Variants in EPS15 observed in about 807,000 individuals in gnomAD.
EPS15 encodes the protein epidermal growth factor receptor substrate 15.
Under a neutral mutation model 113.8 loss-of-function variants are expected in EPS15, and 72 were observed. The ratio of observed to expected loss-of-function variants is 0.63; its 90% CI spans 0.52 to 0.77. EPS15 has a LOEUF of 0.77. Among genes scored for constraint, EPS15 ranks in the 30% least tolerant of loss-of-function variants. EPS15 has a pLI of 0.00. For missense variants in EPS15, 1,048 were observed against 1,045.8 expected (o/e 1.00, Z -0.03); for synonymous variants, 344 against 363.4 (o/e 0.95, Z 0.61).
At chr1:51,508,347 A>AGAAAG (rs1553139595) in intron 1 of EPS15, among the ~76,000 whole-genome samples, 27 of 131,698 alleles carry the variant, frequency 2.1e-4, no homozygotes, top group African/African-American at 7.9e-4. Flanking sequence ...AGAGAAAGAA[A>AGAAAG]GAAAGAAAGA....
chr1:51,484,374 C>A (rs941674454), intron 1 of EPS15, among the ~76,000 whole-genome samples: 1 of 152,022 alleles, frequency 6.6e-6, no homozygotes, highest in Admixed American at 6.6e-5. Flanking sequence ...CCAATCTAGG[C>A]AACACAGCGA....
At chr1:51,505,582 C>A (rs1047575569) in intron 1 of EPS15, among the ~76,000 whole-genome samples, 6 of 152,028 alleles carry the variant, frequency 3.9e-5, no homozygotes, top group African/African-American at 1.4e-4. Flanking sequence ...TAAAATTGTT[C>A]TAAAATTGAT....
intron 1 of EPS15, chr1:51,490,426 G>T (rs550128819): frequency 1.7e-5 from 5 of 300,988 alleles, no homozygotes; most frequent in Non-Finnish European, 2.7e-5. Context: ...TTAGCTGGGC[G>T]TGGTGGCGGG....
chr1:51,382,790 G>A (rs531043252), intron 21 of EPS15, among the ~76,000 whole-genome samples: 485 of 152,152 alleles, frequency 3.2e-3, no homozygotes, highest in African/African-American at 4.6e-3. Context: ...ATGACTTCAC[G>A]GGTGAATTCT....
chr1:51,396,296 A>G (rs1188558177), intron 20 of EPS15, among the ~76,000 whole-genome samples: 2 of 152,228 alleles, frequency 1.3e-5, no homozygotes, highest in African/African-American at 4.8e-5. Flanking sequence ...GTCACCAAGT[A>G]CAGGCTGAGC....
intron 21 of EPS15, among the ~76,000 whole-genome samples, chr1:51,383,803 T>C (rs1240932946): frequency 1.3e-5 from 2 of 152,138 alleles, no homozygotes; most frequent in Non-Finnish European, 2.9e-5. Flanking sequence ...AGAAATAAAA[T>C]CTGTTTGCAA....
chr1:51,471,565 G>T, intron 4 of EPS15, 125 bp downstream of exon 4: 1 of 719,888 alleles, frequency 1.4e-6, no homozygotes, highest in African/African-American at 1.8e-5. Flanking sequence ...TTACACACTT[G>T]CCCTAGGCAA....
intron 23 of EPS15, among the ~76,000 whole-genome samples, chr1:51,361,812 A>T (rs1646393601): frequency 1.3e-5 from 2 of 152,230 alleles, no homozygotes; most frequent in Non-Finnish European, 2.9e-5. Flanking sequence ...AAACTGGGAA[A>T]ATTCTTCTGA....
intron 1 of EPS15, among the ~76,000 whole-genome samples, chr1:51,497,496 C>T (rs1644344269): frequency 6.6e-6 from 1 of 152,142 alleles, no homozygotes; most frequent in African/African-American, 2.4e-5. Context: ...CTATGATGCA[C>T]ATTTTATTTA....
intron 12 of EPS15, chr1:51,422,133 C>G: frequency 1.2e-6 from 1 of 858,804 alleles, no homozygotes. Flanking sequence ...ATGAAACACT[C>G]AGGTTTCACT....
rs1028525633 is a variant in EPS15, at chr1:51,356,778, A to C, written c.2613T>G (p.Leu871=). Residue 871 remains leucine, a synonymous_variant, in exon 25 of 25, where the codon CTT becomes CTG. Transcript: ENST00000371733. ...RESEREEEQR[L]ARLNQQEQED... is the part of the protein sequence containing the mutation. ...CTTGTTCCTGCTGATTTAGTCGGGCAAGCCTCTGCTCTTCCTCTCTCTCAC... is the reference window on the plus strand; with the variant it reads ...CTTGTTCCTGCTGATTTAGTCGGGCCAGCCTCTGCTCTTCCTCTCTCTCAC... The C allele has an allele frequency of 6.8e-6, 11 of 1,613,832 alleles. No individual in the cohort carries two copies. The highest frequency in any genetic ancestry group is 3.3e-5 in the Admixed American group (2 of 60,002).
chr1:51,468,424 G>A, intron 5 of EPS15, 49 bp downstream of exon 5: 1 of 1,244,070 alleles, frequency 8.0e-7, no homozygotes, highest in Non-Finnish European at 1.2e-6. Flanking sequence ...ATAACGTGGT[G>A]TCACTTTTTA....
intron 9 of EPS15, among the ~76,000 whole-genome samples, chr1:51,447,561 A>G (rs76862031): frequency 2.9e-5 from 4 of 140,100 alleles, no homozygotes; most frequent in Non-Finnish European, 6.6e-5. Context: ...CTGGGGGCAG[A>G]AAAAAAAAAG....
intron 21 of EPS15, among the ~76,000 whole-genome samples, chr1:51,384,361 CA>C: frequency 7.4e-6 from 1 of 135,770 alleles, no homozygotes; most frequent in South Asian, 2.4e-4. Flanking sequence ...AGTGCAGTGG[CA>C]TGATCTTGGC....
At chr1:51,519,011 G>T (rs1347348565) in intron 1 of EPS15, among the ~76,000 whole-genome samples, 188 bp downstream of exon 1, 1 of 151,252 alleles carries the variant, frequency 6.6e-6, no homozygotes, top group South Asian at 2.1e-4. Flanking sequence ...GGCGGCCGCA[G>T]GGGGGCTCCG....
chr1:51,360,200 T>C (rs896459021), intron 24 of EPS15, among the ~76,000 whole-genome samples: 1 of 152,164 alleles, frequency 6.6e-6, no homozygotes, highest in African/African-American at 2.4e-5. Flanking sequence ...CAGAGTTACC[T>C]GGCCACTAGA....
At chr1:51,506,935 A>G (rs1430862206) in intron 1 of EPS15, among the ~76,000 whole-genome samples, 2 of 152,198 alleles carry the variant, frequency 1.3e-5, no homozygotes, top group African/African-American at 4.8e-5. Context: ...CAAGCTCACA[A>G]CTTTTAATGC....
At chr1:51,480,600 G>A (rs1025080548) in intron 2 of EPS15, among the ~76,000 whole-genome samples, 1 of 152,032 alleles carries the variant, frequency 6.6e-6, no homozygotes, top group Non-Finnish European at 1.5e-5. Flanking sequence ...CTGTAACCTC[G>A]CCTCCCAGGT....
chr1:51,431,563 G>A (rs984556002), intron 12 of EPS15, among the ~76,000 whole-genome samples: 7 of 151,454 alleles, frequency 4.6e-5, no homozygotes, highest in Admixed American at 2.0e-4. Context: ...CTCCTGTCTC[G>A]GCCTTCAGAG....
Sources: gnomAD v4.1 joint callset for allele counts (sites outside exome capture counted in the v4.1 genomes callset) on GRCh38, gnomAD v4.1.1 for gene constraint, MANE v1.5 for transcripts, NCBI Gene and HGNC (gene_info 2026-07-23, HGNC 2026-07-21) for gene names.